The following ILDR1 variants were observed in gnomAD, a reference collection of about 807,000 sequenced individuals.
ILDR1 encodes immunoglobulin like domain containing receptor 1, also known as immunoglobulin-like domain-containing receptor 1.
Under a neutral mutation model 62.4 loss-of-function variants are expected in ILDR1, and 56 were observed. The ratio of observed to expected loss-of-function variants is 0.90; its 90% confidence interval spans 0.72 to 1.12. ILDR1 has a LOEUF of 1.12. Ranked by LOEUF, ILDR1 falls within the 50% of genes most tolerant of loss-of-function variation. The pLI, the probability that ILDR1 is intolerant of heterozygous loss-of-function variation, is 0.00. For missense variants in ILDR1, 736 were observed against 710.6 expected, an observed-to-expected ratio of 1.04 and a Z score of -0.41; for synonymous variants, 284 against 277.8, an observed-to-expected ratio of 1.02 and a Z score of -0.22.
chr3:122,042,586 C>T, the ILDR1 span, among the ~76,000 whole-genome samples: 14 of 150,236 alleles, frequency 9.3e-5, no homozygotes, highest in Non-Finnish European at 1.8e-4. Flanking sequence ...CTGTTGTTTC[C>T]TGACTTTTAA....
intron 7 of ILDR1, among the ~76,000 whole-genome samples, chr3:121,990,701 T>C (rs1469162909): frequency 6.6e-6 from 1 of 152,206 alleles, no homozygotes; most frequent in Non-Finnish European, 1.5e-5. Flanking sequence ...GTGATCCTCC[T>C]ATACTCCTGA....
the ILDR1 span, among the ~76,000 whole-genome samples, chr3:122,032,022 G>A: frequency 6.6e-6 from 1 of 152,278 alleles, no homozygotes; most frequent in East Asian, 1.9e-4. Context: ...GTAATGCATG[G>A]CTGAATGAGC....
At chr3:122,039,477 A>G in the ILDR1 span, among the ~76,000 whole-genome samples, 1 of 152,108 alleles carries the variant, frequency 6.6e-6, no homozygotes, top group Admixed American at 6.5e-5. Flanking sequence ...AAGACAGTAA[A>G]GGGATATATT....
At position 121,993,393 on chromosome 3, in the gene ILDR1, G is replaced by A; in HGVS notation, c.1356C>T (p.Pro452=). The A allele has an allele frequency of 6.2e-7, 1 of 1,613,200 alleles. No homozygotes were observed. The highest frequency in any genetic ancestry group is 2.2e-5 in the East Asian group (1 of 44,864). ...RCQERPRRPS[P]RESTQRHGRR... ...TCCCGTGCCTCTGAGTGCTCTCCCG[G>A]GGGCTGGGCCTGCGGGGCCTCTCCT... The change falls in exon 7 of 8, where the codon CCC becomes CCT. Residue 452 remains proline (P), a synonymous_variant. Coordinates refer to ENST00000344209, the MANE Select transcript of ILDR1 (RefSeq NM_001199799.2).
chr3:122,056,399 A>G, the ILDR1 span, among the ~76,000 whole-genome samples: 1 of 152,168 alleles, frequency 6.6e-6, no homozygotes, highest in Non-Finnish European at 1.5e-5. Flanking sequence ...CAGTGGCGCA[A>G]TCTCAGCTCA....
chr3:122,026,497 T>C (rs1237978429), upstream of ILDR1, among the ~76,000 whole-genome samples: 1 of 152,184 alleles, frequency 6.6e-6, no homozygotes, highest in Non-Finnish European at 1.5e-5. Context: ...TTAATGAACA[T>C]AAACATATAG....
chr3:122,055,579 G>A, the ILDR1 span: 1 of 1,312,796 alleles, frequency 7.6e-7, no homozygotes, highest in Non-Finnish European at 1.1e-6. Flanking sequence ...TGAAGATGGT[G>A]CTTTGATGTG....
At chr3:122,059,094 G>A in the ILDR1 span, among the ~76,000 whole-genome samples, 3 of 152,214 alleles carry the variant, frequency 2.0e-5, no homozygotes, top group Admixed American at 2.0e-4. Context: ...TTGAGTTTGA[G>A]GTGCCTGTGG....
At chr3:122,028,498 T>C in the ILDR1 span, among the ~76,000 whole-genome samples, 1 of 152,120 alleles carries the variant, frequency 6.6e-6, no homozygotes, top group South Asian at 2.1e-4. Flanking sequence ...CTACATAAAA[T>C]TTTTTTAAAA....
chr3:122,017,899 C>T (rs566508604), intron 1 of ILDR1, among the ~76,000 whole-genome samples: 34 of 152,198 alleles, frequency 2.2e-4, no homozygotes, highest in Middle Eastern at 3.4e-3. Flanking sequence ...ACAACAGATG[C>T]GGGAGAGGTT....
At chr3:122,034,837 CA>C in the ILDR1 span, among the ~76,000 whole-genome samples, 2 of 152,058 alleles carry the variant, frequency 1.3e-5, no homozygotes, top group Non-Finnish European at 2.9e-5. Flanking sequence ...TGGCAGCAGG[CA>C]AAGAGAGAGC....
At chr3:122,031,332 A>C in the ILDR1 span, among the ~76,000 whole-genome samples, 1 of 152,236 alleles carries the variant, frequency 6.6e-6, no homozygotes, top group African/African-American at 2.4e-5. Flanking sequence ...CAGGGAGGTC[A>C]GTTTGAAAAA....
At chr3:121,995,663 A>G (rs1476636179) in intron 5 of ILDR1, among the ~76,000 whole-genome samples, 1 of 152,212 alleles carries the variant, frequency 6.6e-6, no homozygotes, top group East Asian at 1.9e-4. Context: ...GCCTCCCTGA[A>G]GACAGGTCCA....
Position 122,001,423 on chromosome 3 carries a change from T to A in ILDR1, c.531A>T (p.Gly177=). 6.2e-7 allele frequency: 1 copy of A among 1,614,008 alleles called. No homozygotes were observed. The highest frequency in any genetic ancestry group is 8.5e-7 in the Non-Finnish European group (1 of 1,179,984). The change falls in exon 5 of 8, where the codon GGA becomes GGT. Residue 177 remains glycine, a synonymous_variant. Transcript: ENST00000344209. ...CAATCAGCAGCAGGAGGAGGAGGGCTCCCAGGATGATGAAGATCACTGTCA... is the reference window on the plus strand; with the variant it reads ...CAATCAGCAGCAGGAGGAGGAGGGCACCCAGGATGATGAAGATCACTGTCA... ...HWLTVIFIIL[G]ALLLLLLIGV...
the ILDR1 span, among the ~76,000 whole-genome samples, chr3:122,049,365 T>A: frequency 6.6e-6 from 1 of 152,230 alleles, no homozygotes; most frequent in African/African-American, 2.4e-5. Context: ...TTAGGTAGAA[T>A]GTTCTGTGTA....
At chr3:122,036,727 G>T in the ILDR1 span, among the ~76,000 whole-genome samples, 26 of 152,294 alleles carry the variant, frequency 1.7e-4, no homozygotes, top group African/African-American at 6.3e-4. Context: ...AAGAGGAGCC[G>T]AATGTTAATA....
At chr3:122,024,767 A>G (rs1002267222), upstream of ILDR1, among the ~76,000 whole-genome samples, 45 of 152,376 alleles carry the variant, frequency 3.0e-4, no homozygotes, top group African/African-American at 9.9e-4. Context: ...ATGCTGGTAA[A>G]TGGCAGAATA....
chr3:121,996,016 C>T (rs1361545435), intron 5 of ILDR1, among the ~76,000 whole-genome samples: 1 of 152,140 alleles, frequency 6.6e-6, no homozygotes, highest in Non-Finnish European at 1.5e-5. Flanking sequence ...CAGGCACCTC[C>T]TCAATTTACC....
chr3:122,043,256 T>C, the ILDR1 span, among the ~76,000 whole-genome samples: 1 of 151,448 alleles, frequency 6.6e-6, no homozygotes, highest in East Asian at 1.9e-4. Context: ...GAGGGCTCTG[T>C]TCTGTTCCAT....
Sources: gnomAD v4.1 joint callset for allele counts (sites outside exome capture counted in the v4.1 genomes callset) on GRCh38, gnomAD v4.1.1 for gene constraint, MANE v1.5 for transcripts, NCBI Gene and HGNC (gene_info 2026-07-23, HGNC 2026-07-21) for gene names.